IQCJ: variants seen among roughly 807,000 people sequenced by gnomAD.
IQCJ encodes the protein IQ motif containing J, also known as IQ domain-containing protein J.
A neutral mutation model predicts 11.0 loss-of-function variants in IQCJ; 9 were observed. The ratio of observed to expected loss-of-function variants is 0.82; its 90% confidence interval spans 0.49 to 1.43. The LOEUF (loss-of-function observed/expected upper bound fraction) is 1.43, where lower values mean the gene tolerates loss of function less well. Ranked by LOEUF, IQCJ falls within the 40% of genes most tolerant of loss-of-function variation. The pLI, the probability that IQCJ is intolerant of heterozygous loss-of-function variation, is 0.00. For missense variants in IQCJ, 146 were observed against 133.2 expected, an observed-to-expected ratio of 1.10 and a Z score of -0.47; for synonymous variants, 55 against 51.3, an observed-to-expected ratio of 1.07 and a Z score of -0.31.
intron 1 of IQCJ, among the ~76,000 whole-genome samples, chr3:159,071,218 TA>T (rs1365166471): frequency 2.0e-5 from 3 of 152,012 alleles, no homozygotes; most frequent in African/African-American, 7.2e-5. Flanking sequence ...AATAGTACAG[TA>T]AAAATGCATT....
chr3:159,143,015 A>C (rs1720715512), intron 1 of IQCJ, among the ~76,000 whole-genome samples: 1 of 152,194 alleles, frequency 6.6e-6, no homozygotes, highest in Non-Finnish European at 1.5e-5. Context: ...AAAACACAAA[A>C]TCCAGTCACA....
intron 1 of IQCJ, among the ~76,000 whole-genome samples, chr3:159,211,707 T>C (rs1724963150): frequency 6.6e-6 from 1 of 152,190 alleles, no homozygotes; most frequent in Admixed American, 6.5e-5. Flanking sequence ...ACTCTTTTCA[T>C]TGGTTGGACT....
intron 2 of IQCJ, among the ~76,000 whole-genome samples, chr3:159,247,536 G>GA (rs1300872753): frequency 6.6e-6 from 1 of 152,230 alleles, no homozygotes; most frequent in Non-Finnish European, 1.5e-5. Flanking sequence ...TACTGTATGA[G>GA]ATGGGAAAAC....
At chr3:159,154,135 G>T (rs1386608943) in intron 1 of IQCJ, among the ~76,000 whole-genome samples, 1 of 152,154 alleles carries the variant, frequency 6.6e-6, no homozygotes, top group Admixed American at 6.5e-5. Context: ...CCCCCAAATT[G>T]TCAAGTTTTA....
chr3:159,238,635 G>A (rs867203949), intron 1 of IQCJ, among the ~76,000 whole-genome samples: 1 of 152,130 alleles, frequency 6.6e-6, no homozygotes, highest in Non-Finnish European at 1.5e-5. Context: ...GATCACCAGA[G>A]GTTGCTGAGG....
chr3:159,122,274 T>A (rs7428991), intron 1 of IQCJ, among the ~76,000 whole-genome samples: 50,018 of 152,120 alleles, frequency 0.33, 8,571 homozygotes, highest in Non-Finnish European at 0.39. Flanking sequence ...ATTTCAGCAT[T>A]TAAGTTTAGT....
intron 1 of IQCJ, among the ~76,000 whole-genome samples, chr3:159,235,189 T>C (rs1363697075): frequency 6.6e-6 from 1 of 151,430 alleles, no homozygotes; most frequent in African/African-American, 2.4e-5. Context: ...AATGTAAAAA[T>C]ATCTACACTC....
chr3:159,200,382 GT>G (rs1158344791), intron 1 of IQCJ, among the ~76,000 whole-genome samples: 1 of 152,126 alleles, frequency 6.6e-6, no homozygotes, highest in Non-Finnish European at 1.5e-5. Context: ...CAAAGAGGAA[GT>G]GGAATGGCCT....
intron 1 of IQCJ, among the ~76,000 whole-genome samples, chr3:159,210,511 G>A (rs1183334482): frequency 6.6e-6 from 1 of 152,066 alleles, no homozygotes; most frequent in Non-Finnish European, 1.5e-5. Flanking sequence ...CATTTTGGGT[G>A]GTGTTTATGT....
At chr3:159,221,170 G>C (rs1171525016) in intron 1 of IQCJ, among the ~76,000 whole-genome samples, 2 of 152,238 alleles carry the variant, frequency 1.3e-5, no homozygotes, top group East Asian at 1.9e-4. Flanking sequence ...TATGGAGTTA[G>C]AAAAGGCCAG....
At chr3:159,178,296 T>C (rs982549021) in intron 1 of IQCJ, among the ~76,000 whole-genome samples, 4 of 152,172 alleles carry the variant, frequency 2.6e-5, no homozygotes, top group African/African-American at 9.7e-5. Context: ...TGCTAAGATA[T>C]ATTGCACATC....
At chr3:159,175,470 CAAACA>C (rs1188162732) in intron 1 of IQCJ, among the ~76,000 whole-genome samples, 2 of 152,078 alleles carry the variant, frequency 1.3e-5, no homozygotes, top group East Asian at 3.9e-4. Context: ...GACCCTGTCT[CAAACA>C]AAACAAAACA....
chr3:159,114,200 T>C (rs1718811705), intron 1 of IQCJ, among the ~76,000 whole-genome samples: 1 of 152,182 alleles, frequency 6.6e-6, no homozygotes, highest in Non-Finnish European at 1.5e-5. Context: ...AATCTTCCCA[T>C]AGGAACAGTG....
intron 1 of IQCJ, among the ~76,000 whole-genome samples, chr3:159,132,862 C>T (rs1002095197): frequency 1.3e-5 from 2 of 152,240 alleles, no homozygotes; most frequent in South Asian, 2.1e-4. Context: ...ATCTACATGA[C>T]CCTCCGTTTA....
At chr3:159,265,396 T>C (rs1560048861), downstream of IQCJ, 2 of 1,612,276 alleles carry the variant, frequency 1.2e-6, no homozygotes, top group South Asian at 1.1e-5. Flanking sequence ...TTTCTCACCC[T>C]CCAGTGAATG....
At chr3:159,256,116 C>T (rs1727881736) in intron 3 of IQCJ, among the ~76,000 whole-genome samples, 2 of 152,188 alleles carry the variant, frequency 1.3e-5, no homozygotes, top group South Asian at 4.1e-4. Context: ...AACAGATCTT[C>T]CTAATACAAA....
chr3:159,162,259 C>G (rs141807602), intron 1 of IQCJ, among the ~76,000 whole-genome samples: 1 of 151,962 alleles, frequency 6.6e-6, no homozygotes, highest in Non-Finnish European at 1.5e-5. Context: ...CCCTTGTAAG[C>G]TGGATTCCTA....
chr3:159,142,833 T>A (rs1388233211), intron 1 of IQCJ, among the ~76,000 whole-genome samples: 1 of 152,220 alleles, frequency 6.6e-6, no homozygotes, highest in Non-Finnish European at 1.5e-5. Flanking sequence ...TTTATAGTCT[T>A]AATAATTTGA....
intron 1 of IQCJ, among the ~76,000 whole-genome samples, chr3:159,070,937 T>C (rs1330619175): frequency 1.3e-5 from 2 of 152,010 alleles, no homozygotes; most frequent in African/African-American, 4.8e-5. Flanking sequence ...TTTTGCTTCA[T>C]GATAATGATT....
Sources: allele counts gnomAD v4.1 joint callset (sites outside exome capture counted in the v4.1 genomes callset), GRCh38; gene constraint gnomAD v4.1.1; transcripts MANE v1.5; gene names NCBI Gene and HGNC (gene_info 2026-07-23, HGNC 2026-07-21).